Variants in ANKEF1 observed in about 807,000 individuals in gnomAD.
ANKEF1 encodes ankyrin repeat and EF-hand domain-containing protein 1.
In ANKEF1, 43 loss-of-function variants were observed where a neutral mutation model predicts 65.1. The ratio of observed to expected loss-of-function variants is 0.66; its 90% confidence interval spans 0.52 to 0.85. ANKEF1 has a LOEUF of 0.85. Ranked by LOEUF, ANKEF1 falls within the 40% of genes least tolerant of loss-of-function variation. ANKEF1 has a pLI of 0.00. For synonymous variants in ANKEF1, 316 were observed against 341.5 expected, an observed-to-expected ratio of 0.93 and a Z score of 0.82; for missense variants, 934 against 952.9, an observed-to-expected ratio of 0.98 and a Z score of 0.26.
intron 3 of ANKEF1, among the ~76,000 whole-genome samples, chr20:10,040,443 C>T (rs186853276): frequency 6.6e-6 from 1 of 152,326 alleles, no homozygotes; most frequent in Non-Finnish European, 1.5e-5. Flanking sequence ...TAGGCCTAAG[C>T]GGCACTTTCT....
In ANKEF1 at chr20:10,049,496, C is replaced by T. The variant is rs267606071; in HGVS notation, c.927C>T (p.Ile309=). The T allele has an allele frequency of 1.2e-6, 2 of 1,614,114 alleles. No individual in the cohort carries two copies. Among genetic ancestry groups the T allele is most frequent in the Non-Finnish European group, 1.7e-6 (2 of 1,179,996 alleles). Residue 309 remains isoleucine (I), a synonymous_variant, in exon 7 of 11, where the codon ATC becomes ATT. Transcript: ENST00000378392. ...AAGAAATACGCCGAGCAGAGAGAAT[C>T]GCTAATAAACTAGCCAGGCCAGGAG... ...ASKEIRRAER[I]ANKLARPGAK... is the part of the protein sequence containing the mutation.
In ANKEF1 at chr20:10,038,475, C is replaced by A; in HGVS notation, c.174C>A (p.Ser58=). 1 of 1,614,202 alleles carries A rather than the reference C, an allele frequency of 6.2e-7. No homozygotes were observed. The highest frequency in any genetic ancestry group is 1.3e-5 in the African/African-American group (1 of 75,058). The change falls in exon 3 of 11, where the codon TCC becomes TCA. Residue 58 remains serine (S), a synonymous_variant. Coordinates refer to ENST00000378392, the MANE Select transcript of ANKEF1 (RefSeq NM_022096.6). ...GLSALHLASV[S]NDIDMVSFLL... ...GTGCTTTGCACTTAGCCTCAGTTTC[C>A]AATGATATTGATATGGTCAGCTTTC...
At chr20:10,054,370 T>C (rs1253237609) in intron 9 of ANKEF1, 92 bp from the exon 10 acceptor site, 1 of 1,050,270 alleles carries the variant, frequency 9.5e-7, no homozygotes, top group East Asian at 3.1e-5. Context: ...TAGGTTTCTT[T>C]CTGGCTTCAG....
rs201742607 is a variant in ANKEF1, at chr20:10,051,137, T to C, written c.1644-526T>C. On this transcript the variant is annotated intron_variant, in intron 7 of 10. Coordinates refer to ENST00000378392, the MANE Select transcript of ANKEF1 (RefSeq NM_022096.6). ...GATGAGTTAAAATATGTAAAGCTCT[T>C]GTTAACACAGTAGTTACATACTTGA... Among the ~76,000 whole-genome samples, 17 of 152,294 alleles carry C rather than the reference T, an allele frequency of 1.1e-4. No individual in the cohort carries two copies. In the East Asian group the frequency reaches 3.3e-3, roughly 29 times the overall value.
At position 10,049,455 on chromosome 20, in the gene ANKEF1, T is replaced by C; in HGVS notation, c.886T>C (p.Phe296Leu). Residue 296 changes from phenylalanine to leucine, a missense_variant, in exon 7 of 11, where the codon TTC (phenylalanine) becomes CTC (leucine). Coordinates refer to ENST00000378392, the MANE Select transcript of ANKEF1 (RefSeq NM_022096.6). Reference protein sequence around the residue: ...TPRAVAKEGGFKAASKEIRRA... With the variant: ...TPRAVAKEGGLKAASKEIRRA... Reference sequence around the variant, plus strand: ...CAGGGCTGTGGCTAAGGAAGGCGGCTTCAAAGCAGCAAGCAAAGAAATACG... The same window carrying C: ...CAGGGCTGTGGCTAAGGAAGGCGGCCTCAAAGCAGCAAGCAAAGAAATACG... The C allele has an allele frequency of 6.2e-7, 1 of 1,614,162 alleles. No homozygotes were observed. Among genetic ancestry groups the C allele is most frequent in the Non-Finnish European group, 8.5e-7 (1 of 1,180,016 alleles).
intron 1 of ANKEF1, 27 bp from the exon 2 acceptor site, chr20:10,035,552 A>T (rs1171725074): frequency 6.6e-6 from 1 of 152,260 alleles, no homozygotes; most frequent in Non-Finnish European, 1.5e-5. Context: ...TTTTACAAGG[A>T]TCATATCTCA....
intron 3 of ANKEF1, 84 bp downstream of exon 3, chr20:10,038,731 A>G: frequency 5.6e-6 from 6 of 1,073,354 alleles, no homozygotes; most frequent in Non-Finnish European, 8.0e-6. Flanking sequence ...TTGTTTTCCA[A>G]CTTTAGAAGT....
rs1471530097 is a variant in ANKEF1, at chr20:10,056,517, G to T, written c.*857G>T. 1 of 151,370 alleles carries T rather than the reference G, an allele frequency of 6.6e-6. No individual in the cohort carries two copies. Among genetic ancestry groups the T allele is most frequent in the African/African-American group, 2.4e-5 (1 of 41,174 alleles). The allele number at this position is 151,370 out of a possible 1,614,324, so 9.4% of individuals were successfully genotyped here. A position where few individuals can be genotyped will look rare whatever the true frequency, so the allele number is the denominator to read the frequency against. On this transcript the variant is annotated 3_prime_UTR_variant, in exon 11 of 11. Coordinates refer to ENST00000378392, the MANE Select transcript of ANKEF1 (RefSeq NM_022096.6). ...TAGATGATAGATAGATAGATAGATA[G>T]ATAGATAGATAGATAGATAGAGATT...
chr20:10,036,580 G>A (rs901197718), intron 2 of ANKEF1, among the ~76,000 whole-genome samples: 2 of 152,198 alleles, frequency 1.3e-5, no homozygotes, highest in South Asian at 2.1e-4. Flanking sequence ...GGTGGCTCAC[G>A]CCTGTAGTCC....
Position 10,050,006 on chromosome 20 carries a change from G to A in ANKEF1, c.1437G>A (p.Gln479=). The part of the protein sequence containing the change: ...NRDHPPEHPI[Q]DDSVWYIDDS... ...ATCATCCCCCAGAACATCCCATTCAGGATGACTCTGTTTGGTACATTGATG... is the reference window on the plus strand; with the variant it reads ...ATCATCCCCCAGAACATCCCATTCAAGATGACTCTGTTTGGTACATTGATG... The change falls in exon 7 of 11, where the codon CAG becomes CAA. Residue 479 remains glutamine, a synonymous_variant. Coordinates refer to ENST00000378392, the MANE Select transcript of ANKEF1 (RefSeq NM_022096.6). The A allele has an allele frequency of 1.9e-6, 3 of 1,614,110 alleles. No individual in the cohort carries two copies. Among genetic ancestry groups the A allele is most frequent in the Non-Finnish European group, 2.5e-6 (3 of 1,180,006 alleles).
Position 10,051,736 on chromosome 20 carries a change from A to C in ANKEF1, c.1717A>C (p.Ile573Leu), listed in dbSNP as rs1457962747. The change falls in exon 8 of 11, where the codon ATT becomes CTT. Residue 573 changes from isoleucine to leucine, a missense_variant. Ile to Leu is a conservative substitution (Grantham distance 5). Transcript: ENST00000378392. ...TGCATGCCATGCAGGCCAACAAGAC[A>C]TTGTTGAGCTTCTTGTTGAATCTGG... ...HFACHAGQQD[I>L]VELLVESGAL... The C allele has an allele frequency of 1.2e-6, 2 of 1,613,814 alleles. No individual in the cohort carries two copies. Among genetic ancestry groups the C allele is most frequent in the Non-Finnish European group, 1.7e-6 (2 of 1,179,806 alleles).
At chr20:10,036,248 T>C (rs1172016929) in intron 2 of ANKEF1, among the ~76,000 whole-genome samples, 1 of 152,222 alleles carries the variant, frequency 6.6e-6, no homozygotes, top group Non-Finnish European at 1.5e-5. Context: ...TAGAGATGGG[T>C]GCTAACAGAG....
intron 8 of ANKEF1, among the ~76,000 whole-genome samples, chr20:10,052,125 A>G (rs985813525): frequency 9.9e-5 from 15 of 152,278 alleles, no homozygotes; most frequent in Admixed American, 8.5e-4. Flanking sequence ...ATACTTTTGT[A>G]AAATATAATA....
intron 9 of ANKEF1, among the ~76,000 whole-genome samples, chr20:10,053,715 C>T (rs1984994967): frequency 6.6e-6 from 1 of 152,158 alleles, no homozygotes; most frequent in African/African-American, 2.4e-5. Context: ...CACCACTTCC[C>T]CTTCCTCCCA....
chr20:10,043,232 T>C lies in ANKEF1; in HGVS notation c.457T>C (p.Phe153Leu), dbSNP rs1169468620. The change falls in exon 4 of 11, where the codon TTC (phenylalanine) becomes CTC (leucine). Residue 153 changes from phenylalanine (F) to leucine (L), a missense_variant. Coordinates refer to ENST00000378392, the MANE Select transcript of ANKEF1 (RefSeq NM_022096.6). ...NNSTYEGKPI[F>L]LRACEDAHDV... ...TTCTACCTATGAAGGAAAGCCAATA[T>C]TCCTTAGAGCTTGTGAAGATGCACA... The C allele has an allele frequency of 6.2e-7, 1 of 1,614,228 alleles. No individual in the cohort carries two copies. Among genetic ancestry groups the C allele is most frequent in the Admixed American group, 1.7e-5 (1 of 60,026 alleles).
intron 8 of ANKEF1, among the ~76,000 whole-genome samples, chr20:10,052,502 T>G (rs1011577373): frequency 6.6e-6 from 1 of 152,192 alleles, no homozygotes; most frequent in Admixed American, 6.5e-5. Context: ...AAAAATCATT[T>G]GAATATATTT....
At chr20:10,041,679 CATT>C (rs1455300034) in intron 3 of ANKEF1, among the ~76,000 whole-genome samples, 1 of 152,088 alleles carries the variant, frequency 6.6e-6, no homozygotes, top group African/African-American at 2.4e-5. Context: ...ATTATTTTTA[CATT>C]ATTACAAATT....
rs374149718 is a variant in ANKEF1 at position 10,051,906 on chromosome 20, T to C, written c.1870+17T>C. On this transcript the variant is annotated intron_variant, in intron 8 of 10. Transcript: ENST00000378392. ...ATAGAAAAGGTATGCGTTCATATTA[T>C]TGATGATTAGGGTTAGAAAAGGAGA... The C allele has an allele frequency of 2.5e-5, 39 of 1,565,128 alleles. 1 individual carries two copies. The highest frequency in any genetic ancestry group is 3.0e-5 in the Non-Finnish European group (34 of 1,145,816).
chr20:10,052,433 A>T (rs1984916431), intron 8 of ANKEF1, among the ~76,000 whole-genome samples: 1 of 152,148 alleles, frequency 6.6e-6, no homozygotes, highest in Non-Finnish European at 1.5e-5. Context: ...GGCTTCCCTG[A>T]CTCTAGGAAG....
Sources: allele counts gnomAD v4.1 joint callset (sites outside exome capture counted in the v4.1 genomes callset), GRCh38; gene constraint gnomAD v4.1.1; transcripts MANE v1.5; gene names NCBI Gene and HGNC (gene_info 2026-07-23, HGNC 2026-07-21).